ZNF723: variants seen among roughly 807,000 people sequenced by gnomAD.
ZNF723 encodes the protein zinc finger protein 723, pseudogene.
A neutral mutation model predicts 9.4 loss-of-function variants in ZNF723; 5 were observed. The ratio of observed to expected loss-of-function variants is 0.53; its 90% CI spans 0.28 to 1.12. ZNF723 has a LOEUF of 1.12. ZNF723 is among the 50% of genes most tolerant of loss of function. The pLI, the probability that ZNF723 is intolerant of heterozygous loss-of-function variation, is 0.10. For missense variants in ZNF723, 450 were observed against 501.5 expected (o/e 0.90, Z 0.98); for synonymous variants, 158 against 168.8 (o/e 0.94, Z 0.49).
the ZNF723 span, among the ~76,000 whole-genome samples, chr19:22,821,867 G>C: frequency 6.6e-6 from 1 of 152,154 alleles, no homozygotes; most frequent in African/African-American, 2.4e-5. Context: ...CCAGTCCTCT[G>C]GGGGGCCAAG....
At chr19:22,842,847 GA>G (rs1411463389) in intron 1 of ZNF723, among the ~76,000 whole-genome samples, 1 of 152,158 alleles carries the variant, frequency 6.6e-6, no homozygotes, top group Non-Finnish European at 1.5e-5. Flanking sequence ...AGAATGTAGA[GA>G]AAACTAACTA....
intron 3 of ZNF723, among the ~76,000 whole-genome samples, chr19:22,853,605 A>G (rs1967428348): frequency 6.6e-6 from 1 of 152,074 alleles, no homozygotes; most frequent in African/African-American, 2.4e-5. Context: ...TTCAAGGAGA[A>G]TCTTGTAAGA....
chr19:22,829,413 G>A (rs546575053), upstream of ZNF723, among the ~76,000 whole-genome samples: 3 of 151,888 alleles, frequency 2.0e-5, no homozygotes, highest in Non-Finnish European at 2.9e-5. Flanking sequence ...AGCTTCTGGC[G>A]TAGCTGGGAT....
the ZNF723 span, among the ~76,000 whole-genome samples, chr19:22,820,766 T>TA: frequency 6.6e-6 from 1 of 152,206 alleles, no homozygotes; most frequent in Non-Finnish European, 1.5e-5. Flanking sequence ...ACACACGTGA[T>TA]ACGGTGTTTC....
chr19:22,849,593 C>T (rs1216047825), intron 3 of ZNF723, among the ~76,000 whole-genome samples: 2 of 152,080 alleles, frequency 1.3e-5, no homozygotes, highest in African/African-American at 4.8e-5. Flanking sequence ...TCAAGGGAAC[C>T]ATAAATATCT....
chr19:22,848,237 T>G, intron 1 of ZNF723, 24 bp from the exon 2 acceptor site: 1 of 852,790 alleles, frequency 1.2e-6, no homozygotes, highest in Non-Finnish European at 1.8e-6. Flanking sequence ...TATGTGTGTA[T>G]GTGTGTGTGT....
chr19:22,822,900 G>A, the ZNF723 span, among the ~76,000 whole-genome samples: 1 of 152,142 alleles, frequency 6.6e-6, no homozygotes, highest in Non-Finnish European at 1.5e-5. Context: ...GGCATACCCT[G>A]CCAACAATGA....
intron 3 of ZNF723, among the ~76,000 whole-genome samples, chr19:22,853,789 T>A (rs1323414058): frequency 6.6e-6 from 1 of 152,100 alleles, no homozygotes; most frequent in Non-Finnish European, 1.5e-5. Flanking sequence ...AATTTTTGTA[T>A]TTTTAGTAGA....
upstream of ZNF723, among the ~76,000 whole-genome samples, chr19:22,831,510 CTGTT>C (rs1321819079): frequency 6.0e-5 from 9 of 150,858 alleles, no homozygotes; most frequent in Non-Finnish European, 1.3e-4. Context: ...TGAGGCGAGA[CTGTT>C]TGAATGCACT....
intron 1 of ZNF723, among the ~76,000 whole-genome samples, chr19:22,836,441 T>C (rs558872470): frequency 2.2e-4 from 33 of 152,194 alleles, no homozygotes; most frequent in Admixed American, 4.6e-4. Context: ...CATAAGATAT[T>C]TAAGGATTGC....
intron 3 of ZNF723, among the ~76,000 whole-genome samples, chr19:22,853,910 G>A (rs111504400): frequency 6.6e-6 from 1 of 151,890 alleles, no homozygotes; most frequent in South Asian, 2.1e-4. Flanking sequence ...CATCACAACC[G>A]GCCATATGAG....
chr19:22,849,004 C>G (rs563452139), intron 2 of ZNF723, among the ~76,000 whole-genome samples, 194 bp from the exon 3 acceptor site: 1 of 152,246 alleles, frequency 6.6e-6, no homozygotes, highest in Admixed American at 6.5e-5. Context: ...ATCCACCCTC[C>G]TTGGCCTCCC....
intron 3 of ZNF723, among the ~76,000 whole-genome samples, chr19:22,853,834 G>A (rs547151665): frequency 1.1e-4 from 17 of 152,102 alleles, no homozygotes; most frequent in African/African-American, 3.9e-4. Context: ...GGCTGGTCTC[G>A]AGCTCCTAAC....
intron 2 of ZNF723, 110 bp from the exon 3 acceptor site, chr19:22,849,088 A>G: frequency 2.5e-6 from 1 of 401,476 alleles, no homozygotes. Flanking sequence ...ACTGTTATAA[A>G]TTACTGTTTT....
chr19:22,831,379 A>G (rs1273306121), upstream of ZNF723, among the ~76,000 whole-genome samples: 1 of 150,396 alleles, frequency 6.6e-6, no homozygotes, highest in Non-Finnish European at 1.5e-5. Flanking sequence ...CAACATGGTG[A>G]AACCTTGTCT....
Position 22,842,272 on chromosome 19 carries a change from T to G in ZNF723, c.4-5989T>G, listed in dbSNP as rs530599193. 1.5e-4 allele frequency among the ~76,000 whole-genome samples: 23 copies of G among 152,290 alleles called. No homozygotes were observed. In the South Asian group the frequency reaches 4.6e-3, roughly 30 times the overall value. ...GACCCGCCTCGGCCTTCCAAAGTGC[T>G]GGAAAATTACAGGCATGAGCCACTG... On this transcript the variant is annotated intron_variant, in intron 1 of 3. Transcript: ENST00000600766.
intron 1 of ZNF723, among the ~76,000 whole-genome samples, chr19:22,833,946 TTTC>T (rs1192384858): frequency 0.013 from 1,849 of 143,682 alleles, 63 homozygotes; most frequent in African/African-American, 0.048. Context: ...TTTTTTTTTT[TTTC>T]CGAGTCTCCT....
At chr19:22,821,243 A>T in the ZNF723 span, among the ~76,000 whole-genome samples, 1 of 152,136 alleles carries the variant, frequency 6.6e-6, no homozygotes, top group South Asian at 2.1e-4. Context: ...TGTGACATAT[A>T]CCTTGGTCCA....
intron 3 of ZNF723, among the ~76,000 whole-genome samples, chr19:22,855,228 T>G (rs1016825233): frequency 9.4e-5 from 14 of 148,834 alleles, no homozygotes; most frequent in Admixed American, 5.3e-4. Flanking sequence ...ATTATGTGTT[T>G]TCTTTTTTTT....
Sources: allele counts gnomAD v4.1 joint callset (sites outside exome capture counted in the v4.1 genomes callset), GRCh38; gene constraint gnomAD v4.1.1; transcripts MANE v1.5; gene names NCBI Gene and HGNC (gene_info 2026-07-23, HGNC 2026-07-21).